ATP6V1D: variants seen among roughly 807,000 people sequenced by gnomAD.
ATP6V1D encodes the protein ATPase H+ transporting V1 subunit D.
Under a neutral mutation model 39.4 loss-of-function variants are expected in ATP6V1D, and 20 were observed. That is an observed-to-expected ratio of 0.51 (90% CI 0.36 to 0.74). ATP6V1D has a LOEUF of 0.74. Among genes scored for constraint, ATP6V1D ranks in the 30% least tolerant of loss-of-function variants. The pLI is 0.00. For missense variants in ATP6V1D, 228 were observed against 291.6 expected (o/e 0.78, Z 1.59); for synonymous variants, 100 against 100.5 (o/e 0.99, Z 0.03).
chr14:67,351,643 G>A (rs758285053), intron 2 of ATP6V1D, among the ~76,000 whole-genome samples: 1 of 151,982 alleles, frequency 6.6e-6, no homozygotes, highest in African/African-American at 2.4e-5. Context: ...CAAGTAGCTG[G>A]GACTACAGGT....
chr14:67,343,038 TAGAA>T (rs1156279327), intron 7 of ATP6V1D, among the ~76,000 whole-genome samples: 1 of 152,150 alleles, frequency 6.6e-6, no homozygotes, highest in African/African-American at 2.4e-5. Flanking sequence ...ACTCAACCAT[TAGAA>T]AGAACTACAG....
chr14:67,353,077 C>T (rs944012465), intron 1 of ATP6V1D, 37 bp from the exon 2 acceptor site: 2 of 1,509,550 alleles, frequency 1.3e-6, no homozygotes, highest in Admixed American at 2.0e-5. Context: ...CATCTATTCT[C>T]ATTGTTTAAA....
intron 1 of ATP6V1D, among the ~76,000 whole-genome samples, chr14:67,355,449 CAAAAAAAAAA>C (rs564931669): frequency 1.7e-3 from 32 of 18,960 alleles, no homozygotes; most frequent in South Asian, 5.8e-3. Context: ...GACCCTGTCT[CAAAAAAAAAA>C]AAAAAAAAAA....
At chr14:67,344,602 G>A (rs1184516010) in intron 6 of ATP6V1D, among the ~76,000 whole-genome samples, 4 of 152,042 alleles carry the variant, frequency 2.6e-5, no homozygotes, top group Non-Finnish European at 4.4e-5. Flanking sequence ...AACTGGGCTG[G>A]GTGAGGTGGC....
intron 3 of ATP6V1D, among the ~76,000 whole-genome samples, chr14:67,349,589 C>T (rs1025312437): frequency 6.6e-6 from 1 of 152,218 alleles, no homozygotes; most frequent in Admixed American, 6.5e-5. Context: ...AATCCTGGCA[C>T]TTTGGGAGGC....
intron 8 of ATP6V1D, among the ~76,000 whole-genome samples, chr14:67,339,372 A>T (rs1305472444): frequency 2.6e-5 from 4 of 152,076 alleles, no homozygotes; most frequent in African/African-American, 4.8e-5. Context: ...GCATTTTTTT[A>T]AAATTTTGGC....
chr14:67,359,509 A>T, intron 1 of ATP6V1D, 149 bp downstream of exon 1: 1 of 835,176 alleles, frequency 1.2e-6, no homozygotes, highest in Non-Finnish European at 1.8e-6. Flanking sequence ...GGCCGTCAGG[A>T]AGCCTCGCCC....
At chr14:67,347,820 C>A (rs1056325332) in intron 4 of ATP6V1D, among the ~76,000 whole-genome samples, 3 of 151,976 alleles carry the variant, frequency 2.0e-5, no homozygotes, top group African/African-American at 7.3e-5. Flanking sequence ...TTCTTAATCA[C>A]TGTTTTCTGT....
In ATP6V1D at chr14:67,345,835, T is replaced by C; in HGVS notation, c.389A>G (p.Gln130Arg). 1 of 1,614,144 alleles carries C rather than the reference T, an allele frequency of 6.2e-7. No homozygotes were observed. Among genetic ancestry groups the C allele is most frequent in the Non-Finnish European group, 8.5e-7 (1 of 1,179,978 alleles). Residue 130 changes from glutamine to arginine, a missense_variant, in exon 6 of 9, where the codon CAG becomes CGG. Around this residue, in one of 3 missense-constraint regions of ATP6V1D, gnomAD observed 10 missense variants for 43.0 expected, o/e 0.23. Coordinates refer to ENST00000216442, the MANE Select transcript of ATP6V1D (RefSeq NM_015994.4). Reference protein sequence around the residue: ...ELTGLARGGEQLAKLKRNYAK... With the variant: ...ELTGLARGGERLAKLKRNYAK... Reference sequence around the variant, plus strand: ...ATAATTCCTCTTTAATTTAGCCAACTGTTCCCCACCTCTGGCTAAACCAGT... The same window carrying C: ...ATAATTCCTCTTTAATTTAGCCAACCGTTCCCCACCTCTGGCTAAACCAGT...
intron 6 of ATP6V1D, among the ~76,000 whole-genome samples, chr14:67,345,547 C>T (rs1350487892): frequency 1.3e-5 from 2 of 152,142 alleles, no homozygotes; most frequent in African/African-American, 2.4e-5. Context: ...AAGAGTAAAA[C>T]TCCATCTCAA....
intron 8 of ATP6V1D, among the ~76,000 whole-genome samples, chr14:67,339,387 C>G (rs545553132): frequency 6.6e-6 from 1 of 152,060 alleles, no homozygotes; most frequent in South Asian, 2.1e-4. Flanking sequence ...TTTGGCTCAA[C>G]ACAACCCTGA....
At chr14:67,348,589 T>G (rs563820388) in intron 4 of ATP6V1D, among the ~76,000 whole-genome samples, 1 of 152,146 alleles carries the variant, frequency 6.6e-6, no homozygotes, top group East Asian at 1.9e-4. Flanking sequence ...TGGTGCAATC[T>G]CGGCTCACTG....
At chr14:67,344,908 A>C (rs373147852) in intron 6 of ATP6V1D, among the ~76,000 whole-genome samples, 5 of 151,410 alleles carry the variant, frequency 3.3e-5, no homozygotes, top group Non-Finnish European at 5.9e-5. Context: ...AACAAACAAA[A>C]AAAACAAGAG....
At chr14:67,344,888 A>C (rs952986042) in intron 6 of ATP6V1D, among the ~76,000 whole-genome samples, 1 of 151,784 alleles carries the variant, frequency 6.6e-6, no homozygotes, top group Non-Finnish European at 1.5e-5. Context: ...CTCAAAGAAA[A>C]AAACAAACAA....
At chr14:67,340,342 C>T (rs2085569941) in intron 8 of ATP6V1D, 98 bp downstream of exon 8, 2 of 983,976 alleles carry the variant, frequency 2.0e-6, no homozygotes, top group Non-Finnish European at 3.2e-6. Context: ...ATAAGCTGTG[C>T]TAATTCTAAA....
intron 1 of ATP6V1D, among the ~76,000 whole-genome samples, chr14:67,357,549 C>T (rs1163037631): frequency 6.6e-6 from 1 of 152,174 alleles, no homozygotes; most frequent in Non-Finnish European, 1.5e-5. Context: ...TCTATTTTTG[C>T]CTCTTAGTCT....
intron 4 of ATP6V1D, among the ~76,000 whole-genome samples, chr14:67,348,132 T>C (rs375323881): frequency 2.5e-3 from 373 of 151,894 alleles, no homozygotes; most frequent in Non-Finnish European, 3.6e-3. Flanking sequence ...TGGAGTACAA[T>C]GGCGCAATCT....
chr14:67,341,192 C>T (rs1408899575), intron 7 of ATP6V1D, among the ~76,000 whole-genome samples: 5 of 151,882 alleles, frequency 3.3e-5, no homozygotes, highest in African/African-American at 4.8e-5. Flanking sequence ...AAGTGAGGAG[C>T]GTCTGTGACT....
chr14:67,342,035 A>G (rs2085588373), intron 7 of ATP6V1D, among the ~76,000 whole-genome samples: 1 of 152,004 alleles, frequency 6.6e-6, no homozygotes, highest in African/African-American at 2.4e-5. Context: ...GTACCCACGG[A>G]CACAAACACT....
Sources: allele counts gnomAD v4.1 joint callset (sites outside exome capture counted in the v4.1 genomes callset), GRCh38; gene constraint gnomAD v4.1.1; regional missense constraint gnomAD v4.1.1; transcripts MANE v1.5; gene names NCBI Gene and HGNC (gene_info 2026-07-23, HGNC 2026-07-21).